Variants in KLF15 observed in about 807,000 individuals in gnomAD.
KLF15 encodes Krueppel-like factor 15.
A neutral mutation model predicts 24.6 loss-of-function variants in KLF15; 4 were observed. The ratio of observed to expected loss-of-function variants is 0.16; its 90% CI spans 0.08 to 0.37. KLF15 has a LOEUF of 0.37. Among genes scored for constraint, KLF15 ranks in the 10% least tolerant of loss-of-function variants. The probability of loss-of-function intolerance (pLI) is 1.00; values close to 1 mark genes in which losing one functional copy is unlikely to be tolerated. For missense variants in KLF15, 496 were observed against 560.6 expected, an observed-to-expected ratio of 0.88 and a Z score of 1.16; for synonymous variants, 246 against 236.3, an observed-to-expected ratio of 1.04 and a Z score of -0.37.
chr3:126,329,080 A>C, the KLF15 span, among the ~76,000 whole-genome samples: 1 of 152,156 alleles, frequency 6.6e-6, no homozygotes, highest in Non-Finnish European at 1.5e-5. Context: ...CCATAATGGC[A>C]CCTGCATCTT....
chr3:126,316,812 C>T, the KLF15 span, among the ~76,000 whole-genome samples: 2 of 152,082 alleles, frequency 1.3e-5, no homozygotes, highest in African/African-American at 4.8e-5. Context: ...CTGCCTGACT[C>T]TTCCTCAGAG....
the KLF15 span, among the ~76,000 whole-genome samples, chr3:126,321,071 G>T: frequency 6.6e-6 from 1 of 152,122 alleles, no homozygotes; most frequent in Non-Finnish European, 1.5e-5. Flanking sequence ...GCCAGGAAGG[G>T]TATCAGCTGG....
intron 2 of KLF15, among the ~76,000 whole-genome samples, chr3:126,345,107 C>T (rs2082523269): frequency 6.6e-6 from 1 of 152,146 alleles, no homozygotes; most frequent in South Asian, 2.1e-4. Flanking sequence ...ATGTTCTTCC[C>T]TCCCCCTCCT....
chr3:126,323,404 T>TATATATATATATATATATATATATATAAC, the KLF15 span, among the ~76,000 whole-genome samples: 1 of 25,824 alleles, frequency 3.9e-5, no homozygotes, highest in African/African-American at 2.5e-4. Context: ...CCCCAGTAGT[T>TATATATATATATATATATATATATATAAC]ATATATATAT....
the KLF15 span, among the ~76,000 whole-genome samples, chr3:126,292,486 T>C: frequency 6.6e-6 from 1 of 152,370 alleles, no homozygotes; most frequent in Middle Eastern, 3.4e-3. Flanking sequence ...GGAGTGTCTA[T>C]TGAACATCTA....
chr3:126,309,432 G>A, the KLF15 span, among the ~76,000 whole-genome samples: 1 of 152,242 alleles, frequency 6.6e-6, no homozygotes, highest in Non-Finnish European at 1.5e-5. Flanking sequence ...AGATAAGCAA[G>A]GGGCAGAGCC....
At chr3:126,329,937 A>T in the KLF15 span, among the ~76,000 whole-genome samples, 7 of 148,276 alleles carry the variant, frequency 4.7e-5, no homozygotes, top group East Asian at 1.4e-3. Flanking sequence ...TTTTTAGTTG[A>T]TTTTGATTGT....
intron 1 of KLF15, among the ~76,000 whole-genome samples, chr3:126,353,565 T>G (rs2082605560): frequency 6.6e-6 from 1 of 152,270 alleles, no homozygotes; most frequent in South Asian, 2.1e-4. Flanking sequence ...CACACTTACA[T>G]TTAAAAATTA....
chr3:126,319,171 C>A, the KLF15 span, among the ~76,000 whole-genome samples: 1 of 152,126 alleles, frequency 6.6e-6, no homozygotes, highest in African/African-American at 2.4e-5. Context: ...CTCGATGTAC[C>A]ACAGTTTATC....
the KLF15 span, among the ~76,000 whole-genome samples, chr3:126,292,414 C>A: frequency 6.6e-6 from 1 of 152,186 alleles, no homozygotes; most frequent in Non-Finnish European, 1.5e-5. Context: ...TCCTGCTGCT[C>A]CCCACGGGAG....
chr3:126,300,481 G>A, the KLF15 span, among the ~76,000 whole-genome samples: 2 of 152,230 alleles, frequency 1.3e-5, no homozygotes, highest in African/African-American at 2.4e-5. Context: ...CTGCACGGTA[G>A]GTGTGGGCAG....
downstream of KLF15, among the ~76,000 whole-genome samples, chr3:126,341,153 A>G (rs139080238): frequency 5.3e-5 from 8 of 152,314 alleles, no homozygotes; most frequent in Non-Finnish European, 1.0e-4. Context: ...TCCAGGAGGC[A>G]CACTCATCCC....
chr3:126,331,133 C>G, the KLF15 span, among the ~76,000 whole-genome samples: 1 of 152,200 alleles, frequency 6.6e-6, no homozygotes, highest in Non-Finnish European at 1.5e-5. Flanking sequence ...ACTCAACTCC[C>G]TGGTCACAAA....
downstream of KLF15, among the ~76,000 whole-genome samples, chr3:126,340,082 T>C (rs1391754383): frequency 6.6e-6 from 1 of 152,212 alleles, no homozygotes; most frequent in African/African-American, 2.4e-5. Flanking sequence ...GACTTAGCCA[T>C]GCTGCCAGCT....
chr3:126,299,549 A>T, the KLF15 span, among the ~76,000 whole-genome samples: 2 of 151,958 alleles, frequency 1.3e-5, no homozygotes, highest in Non-Finnish European at 2.9e-5. Flanking sequence ...GGAGATCGAG[A>T]CCATCCTGGC....
At chr3:126,333,582 A>C in the KLF15 span, among the ~76,000 whole-genome samples, 2 of 143,186 alleles carry the variant, frequency 1.4e-5, no homozygotes, top group East Asian at 4.1e-4. Context: ...TATTAACTTT[A>C]AATGTAAATG....
At chr3:126,355,059 C>G (rs1281839407) in intron 1 of KLF15, among the ~76,000 whole-genome samples, 2 of 152,250 alleles carry the variant, frequency 1.3e-5, no homozygotes, top group Non-Finnish European at 1.5e-5. Context: ...CTCTGCCCCT[C>G]TACTGTGATG....
At chr3:126,329,838 C>CTT in the KLF15 span, among the ~76,000 whole-genome samples, 3 of 141,790 alleles carry the variant, frequency 2.1e-5, no homozygotes, top group Admixed American at 7.1e-5. Flanking sequence ...TATTATTACA[C>CTT]TTTTTTTTTT....
chr3:126,335,230 C>T, the KLF15 span, among the ~76,000 whole-genome samples: 2 of 144,346 alleles, frequency 1.4e-5, no homozygotes, highest in Non-Finnish European at 3.0e-5. Flanking sequence ...CCACCATGAT[C>T]AAGTGGGCTT....
Sources: gnomAD v4.1 joint callset for allele counts (sites outside exome capture counted in the v4.1 genomes callset) on GRCh38, gnomAD v4.1.1 for gene constraint, MANE v1.5 for transcripts, NCBI Gene and HGNC (gene_info 2026-07-23, HGNC 2026-07-21) for gene names.